Variants in IL1RAPL1 observed in about 807,000 individuals in gnomAD.
IL1RAPL1 encodes interleukin 1 receptor accessory protein like 1.
In IL1RAPL1, 3 loss-of-function variants were observed where a neutral mutation model predicts 48.4. The ratio of observed to expected loss-of-function variants is 0.06; its 90% CI spans 0.03 to 0.16. IL1RAPL1 has a LOEUF of 0.16. Among genes scored for constraint, IL1RAPL1 ranks in the 10% least tolerant of loss-of-function variants. IL1RAPL1 has a pLI of 1.00. For missense variants in IL1RAPL1, 349 were observed against 530.6 expected (o/e 0.66, Z 3.36); for synonymous variants, 185 against 187.7 (o/e 0.99, Z 0.12).
chrX:29,486,612 CAAAAA>C (rs768358495), intron 5 of IL1RAPL1, among the ~76,000 whole-genome samples: 38 of 40,916 alleles, frequency 9.3e-4, no homozygotes, highest in Admixed American at 3.0e-3. Flanking sequence ...AAGTGCTATA[CAAAAA>C]AAAAAAAAAA....
chrX:29,360,909 T>C (rs1933367335), intron 3 of IL1RAPL1, among the ~76,000 whole-genome samples: 1 of 112,205 alleles, frequency 8.9e-6, no homozygotes, highest in African/African-American at 3.2e-5. Context: ...GCTCAAATTC[T>C]GATACATCTT....
intron 2 of IL1RAPL1, among the ~76,000 whole-genome samples, chrX:28,874,547 A>C (rs1181128014): frequency 8.9e-6 from 1 of 112,113 alleles, no homozygotes; most frequent in Admixed American, 9.4e-5. Flanking sequence ...TGAGTTAATT[A>C]TTTCATGCCA....
intron 2 of IL1RAPL1, among the ~76,000 whole-genome samples, chrX:28,825,844 CAT>C (rs1936989703): frequency 2.7e-5 from 3 of 111,109 alleles, no homozygotes; most frequent in Admixed American, 9.6e-5. Context: ...TTCCTGTAAA[CAT>C]ATGGATGGTT....
chrX:29,455,459 G>A (rs558708807), intron 5 of IL1RAPL1, among the ~76,000 whole-genome samples: 1 of 111,827 alleles, frequency 8.9e-6, no homozygotes, highest in South Asian at 3.7e-4. Flanking sequence ...CTTTATAAAA[G>A]CAAGAGAAGT....
chrX:29,719,110 C>T (rs1292257427), intron 6 of IL1RAPL1, among the ~76,000 whole-genome samples: 2 of 111,395 alleles, frequency 1.8e-5, no homozygotes, highest in African/African-American at 6.5e-5. Flanking sequence ...TTGATACGTG[C>T]TTTTGACTAG....
intron 3 of IL1RAPL1, among the ~76,000 whole-genome samples, chrX:29,337,837 G>T (rs1933017480): frequency 9.1e-6 from 1 of 109,807 alleles, no homozygotes; most frequent in Non-Finnish European, 1.9e-5. Flanking sequence ...ACCACGCCCG[G>T]CTAATTTTTG....
intron 1 of IL1RAPL1, among the ~76,000 whole-genome samples, chrX:28,706,231 C>A (rs1320454379): frequency 1.8e-5 from 2 of 111,590 alleles, no homozygotes; most frequent in African/African-American, 3.3e-5. Flanking sequence ...CAATTGCCTA[C>A]AGTATTCAGT....
chrX:29,932,988 A>G (rs976314925), intron 8 of IL1RAPL1, among the ~76,000 whole-genome samples: 34 of 112,339 alleles, frequency 3.0e-4, no homozygotes, highest in African/African-American at 1.0e-3. Flanking sequence ...GAAGCAGTAC[A>G]TGATTGATTT....
At chrX:29,532,040 G>A (rs766418344) in intron 5 of IL1RAPL1, among the ~76,000 whole-genome samples, 2 of 111,646 alleles carry the variant, frequency 1.8e-5, no homozygotes, top group Non-Finnish European at 3.8e-5. Flanking sequence ...GAGAGGGGGG[G>A]CGCATAATTC....
intron 6 of IL1RAPL1, among the ~76,000 whole-genome samples, chrX:29,871,905 G>A (rs1931806405): frequency 9.0e-6 from 1 of 110,646 alleles, no homozygotes; most frequent in Non-Finnish European, 1.9e-5. Context: ...CATATTTTTA[G>A]TAGAGATGTG....
At chrX:28,868,218 A>G (rs905198625) in intron 2 of IL1RAPL1, among the ~76,000 whole-genome samples, 4 of 111,104 alleles carry the variant, frequency 3.6e-5, no homozygotes, top group Non-Finnish European at 7.5e-5. Context: ...CTGAGAGCCA[A>G]CATCATCATG....
intron 5 of IL1RAPL1, among the ~76,000 whole-genome samples, chrX:29,474,458 C>T (rs954999658): frequency 2.5e-4 from 28 of 111,818 alleles, no homozygotes; most frequent in Admixed American, 8.6e-4. Flanking sequence ...GTGTCTGGCA[C>T]GGGGTATGTT....
chrX:29,640,266 A>G (rs1925125690), intron 5 of IL1RAPL1, among the ~76,000 whole-genome samples: 1 of 111,906 alleles, frequency 8.9e-6, no homozygotes, highest in East Asian at 2.8e-4. Context: ...AATCACTGCT[A>G]TTTCTCTGAT....
rs1925013109 is a variant in IL1RAPL1 at position 28,969,846 on chromosome X, C to CATATATGTTTCTAAACACATAT, written c.82+180448_82+180469dup. Among the ~76,000 whole-genome samples the CATATATGTTTCTAAACACATAT allele has an allele frequency of 9.8e-5, 6 of 61,274 alleles. 1 individual carries two copies. The Admixed American group carries it at 1.1e-3, about 11-fold the overall frequency. 53.2% of individuals were successfully genotyped at this position (61,274 alleles called of 115,157 possible). Reference sequence around the variant, plus strand: ...TTAGAAACATATATATGTTTCTAAACATATATGTTTCTAAACACATATATA... The same window carrying CATATATGTTTCTAAACACATAT: ...TTAGAAACATATATATGTTTCTAAACATATATGTTTCTAAACACATATATATATGTTTCTAAACACATATATA... On this transcript the variant is annotated intron_variant, in intron 2 of 10. Transcript: ENST00000378993.
chrX:28,971,878 G>T (rs774999115), intron 2 of IL1RAPL1, among the ~76,000 whole-genome samples: 6 of 95,538 alleles, frequency 6.3e-5, no homozygotes, highest in African/African-American at 1.1e-4. Flanking sequence ...TCTGAAAATT[G>T]TGTGTGTGTG....
chrX:28,887,126 G>T (rs1043760111), intron 2 of IL1RAPL1, among the ~76,000 whole-genome samples: 2 of 111,272 alleles, frequency 1.8e-5, no homozygotes, highest in African/African-American at 6.5e-5. Flanking sequence ...TACCAATGTG[G>T]TTGTATTGAG....
intron 2 of IL1RAPL1, among the ~76,000 whole-genome samples, chrX:29,099,421 A>G (rs1260845009): frequency 8.9e-6 from 1 of 112,102 alleles, no homozygotes; most frequent in Non-Finnish European, 1.9e-5. Flanking sequence ...TTACTATTTG[A>G]CAAACAGTGT....
At chrX:28,691,555 A>G (rs1041442820) in intron 1 of IL1RAPL1, among the ~76,000 whole-genome samples, 1 of 112,113 alleles carries the variant, frequency 8.9e-6, no homozygotes. Context: ...GTGAGAGACA[A>G]TGGATGATTT....
At chrX:29,079,630 A>G (rs1927756991) in intron 2 of IL1RAPL1, among the ~76,000 whole-genome samples, 1 of 109,562 alleles carries the variant, frequency 9.1e-6, no homozygotes, top group African/African-American at 3.3e-5. Context: ...AAGAAAAATC[A>G]TCCATTGCCA....
Sources: allele counts gnomAD v4.1 joint callset (sites outside exome capture counted in the v4.1 genomes callset), GRCh38; gene constraint gnomAD v4.1.1; transcripts MANE v1.5; gene names NCBI Gene and HGNC (gene_info 2026-07-23, HGNC 2026-07-21).